COG6: variants seen among roughly 807,000 people sequenced by gnomAD.
COG6 encodes the protein conserved oligomeric Golgi complex subunit 6.
Under a neutral mutation model 88.8 loss-of-function variants are expected in COG6, and 74 were observed. That is an observed-to-expected ratio of 0.83 (90% confidence interval 0.69 to 1.01). The LOEUF is 1.01. Among genes scored for constraint, COG6 ranks in the 50% least tolerant of loss-of-function variants. The pLI is 0.00. For missense variants in COG6, 800 were observed against 797.9 expected (o/e 1.00, Z -0.03); for synonymous variants, 286 against 278.7 (o/e 1.03, Z -0.26).
chr13:39,781,310 C>T (rs1449028593), intron 18 of COG6, among the ~76,000 whole-genome samples: 3 of 152,106 alleles, frequency 2.0e-5, no homozygotes, highest in African/African-American at 7.2e-5. Context: ...GCATTCATCC[C>T]AATTCACTGG....
chr13:39,663,598 C>G (rs548195724), intron 3 of COG6, among the ~76,000 whole-genome samples: 1 of 152,226 alleles, frequency 6.6e-6, no homozygotes, highest in East Asian at 1.9e-4. Flanking sequence ...GAGCTCCATT[C>G]CTTAAAAGTC....
Position 39,701,475 on chromosome 13 carries a change from C to G in COG6, c.1284+1857C>G, listed in dbSNP as rs536419796. Among the ~76,000 whole-genome samples, 65 of 151,854 alleles carry G rather than the reference C, an allele frequency of 4.3e-4. 1 individual carries two copies. Among genetic ancestry groups the G allele is most frequent in the Non-Finnish European group, 8.0e-4 (54 of 67,862 alleles). ...TTTTATGAGTAGAGCTACCAGGACA[C>G]AGTCTTGGGAAACACTGACGTTTAA... On this transcript the variant is annotated intron_variant, in intron 13 of 18. Transcript: ENST00000455146.
At chr13:39,703,710 A>C (rs1476851814) in intron 13 of COG6, among the ~76,000 whole-genome samples, 1 of 152,030 alleles carries the variant, frequency 6.6e-6, no homozygotes, top group African/African-American at 2.4e-5. Flanking sequence ...TGTTTAATAC[A>C]TTTATTTAGA....
At chr13:39,738,083 T>C (rs1328817813) in intron 18 of COG6, among the ~76,000 whole-genome samples, 1 of 152,210 alleles carries the variant, frequency 6.6e-6, no homozygotes, top group African/African-American at 2.4e-5. Flanking sequence ...TTATCCTCTT[T>C]AGTGCCTCTT....
At chr13:39,679,856 A>G in intron 6 of COG6, 119 bp from the exon 7 acceptor site, 1 of 689,762 alleles carries the variant, frequency 1.4e-6, no homozygotes. Context: ...TTGAAAAATC[A>G]TCCCATAAAA....
At chr13:39,725,864 C>T (rs1879108135) in intron 17 of COG6, among the ~76,000 whole-genome samples, 1 of 151,726 alleles carries the variant, frequency 6.6e-6, no homozygotes, top group East Asian at 1.9e-4. Context: ...AGATATTTAC[C>T]CCCCAAAAAT....
intron 18 of COG6, among the ~76,000 whole-genome samples, chr13:39,766,573 C>T (rs1029197894): frequency 6.6e-6 from 1 of 152,142 alleles, no homozygotes; most frequent in Non-Finnish European, 1.5e-5. Flanking sequence ...CCCTCCTAAC[C>T]CCATCCCAAA....
chr13:39,751,204 T>G lies in COG6; in HGVS notation c.*111T>G. The G allele has an allele frequency of 6.5e-7, 1 of 1,532,858 alleles. No individual in the cohort carries two copies. Among genetic ancestry groups the G allele is most frequent in the South Asian group, 1.2e-5 (1 of 80,886 alleles). 95.0% of individuals were successfully genotyped at this position (1,532,858 alleles called of 1,614,324 possible). A position where few individuals can be genotyped will look rare whatever the true frequency, so the allele number is the denominator to read the frequency against. On this transcript the variant is annotated 3_prime_UTR_variant, in exon 19 of 19. Coordinates refer to ENST00000455146, the MANE Select transcript of COG6 (RefSeq NM_020751.3). The stretch of plus-strand genomic sequence containing the variant: ...TTTGATAGTTACAGTTTTCTTTGTA[T>G]CATAAGATTGTAAGTCCCGATAATT...
At chr13:39,736,907 C>T (rs1027431630) in intron 18 of COG6, among the ~76,000 whole-genome samples, 7 of 152,096 alleles carry the variant, frequency 4.6e-5, no homozygotes, top group Admixed American at 4.6e-4. Flanking sequence ...GTCTGGGCAT[C>T]GAAGAGGTGG....
rs200202920 is a variant in COG6 at position 39,782,497 on chromosome 13, GAC to G, written c.1827-5836_1827-5835del. On this transcript the variant is annotated intron_variant, in intron 18 of 18. Transcript: ENST00000416691. ...GGAGGCCCCCCTCTTGTCCAGGTCA[GAC>G]AGGAGTCCTCCCTAAATACTGTGTG... Among the ~76,000 whole-genome samples, 388 of 152,306 alleles carry G rather than the reference GAC, an allele frequency of 2.5e-3. 1 individual carries two copies. Among genetic ancestry groups the G allele is most frequent in the East Asian group, 0.019 (99 of 5,172 alleles).
At chr13:39,696,673 T>A (rs1313115934) in intron 12 of COG6, among the ~76,000 whole-genome samples, 1 of 151,438 alleles carries the variant, frequency 6.6e-6, no homozygotes, top group East Asian at 2.0e-4. Flanking sequence ...CACACAGGAT[T>A]TTGAAGGCGA....
chr13:39,719,713 C>T lies in COG6; in HGVS notation c.1470C>T (p.Ser490=), dbSNP rs781313687. The T allele has an allele frequency of 6.2e-6, 10 of 1,612,650 alleles. No individual in the cohort carries two copies. The highest frequency in any genetic ancestry group is 8.5e-6 in the Non-Finnish European group (10 of 1,178,940). ...PLLQMCTVSA[S]NLGTADMATF... Reference sequence around the variant, plus strand: ...TACAGATGTGTACTGTATCAGCCAGCAATTTAGGCACAGCTGACATGGCCA... The same window carrying T: ...TACAGATGTGTACTGTATCAGCCAGTAATTTAGGCACAGCTGACATGGCCA... Residue 490 remains serine (S), a synonymous_variant, in exon 15 of 19, where the codon AGC becomes AGT. Transcript: ENST00000455146.
chr13:39,751,981 A>C lies in COG6; in HGVS notation c.*888A>C. The C allele has an allele frequency of 8.1e-7, 1 of 1,232,222 alleles. No individual in the cohort carries two copies. Among genetic ancestry groups the C allele is most frequent in the Non-Finnish European group, 1.1e-6 (1 of 938,682 alleles). 76.3% of individuals were successfully genotyped at this position (1,232,222 alleles called of 1,614,324 possible). A position where few individuals can be genotyped will look rare whatever the true frequency, so the allele number is the denominator to read the frequency against. On this transcript the variant is annotated 3_prime_UTR_variant, in exon 19 of 19. Transcript: ENST00000455146. ...CAAAGAAACAATGATCTACTCAAAC[A>C]TTGGAGAAAAAAACTGCCAGAGGAG... is the stretch of plus-strand genomic sequence containing the variant.
At chr13:39,736,304 C>T (rs1350249533) in intron 18 of COG6, among the ~76,000 whole-genome samples, 1 of 152,094 alleles carries the variant, frequency 6.6e-6, no homozygotes, top group Non-Finnish European at 1.5e-5. Context: ...GACTCTGATG[C>T]ATTCTTTAGC....
intron 18 of COG6, among the ~76,000 whole-genome samples, chr13:39,778,650 ATAT>A (rs1279986113): frequency 1.3e-5 from 2 of 152,248 alleles, no homozygotes; most frequent in Non-Finnish European, 2.9e-5. Context: ...ATTTAAAACA[ATAT>A]TATTTCACAG....
chr13:39,751,547 C>T lies in COG6; in HGVS notation c.*454C>T. The T allele has an allele frequency of 1.6e-6, 2 of 1,287,114 alleles. No homozygotes were observed. Among genetic ancestry groups the T allele is most frequent in the Non-Finnish European group, 2.0e-6 (2 of 988,672 alleles). The allele number at this position is 1,287,114 out of a possible 1,614,324, so 79.7% of individuals were successfully genotyped here. ...TAATATGAGTAGGCATACTTAGTAG[C>T]TTTTCTGAACCTAGCCTATGTCTCT... On this transcript the variant is annotated 3_prime_UTR_variant, in exon 19 of 19. Transcript: ENST00000455146.
At chr13:39,738,549 C>T (rs757343845) in intron 18 of COG6, among the ~76,000 whole-genome samples, 3 of 151,956 alleles carry the variant, frequency 2.0e-5, no homozygotes, top group Non-Finnish European at 4.4e-5. Flanking sequence ...TTAATTGCAG[C>T]CTAATAAGTA....
exon 19 of COG6, chr13:39,791,584 A>C (rs1436888005): frequency 6.6e-6 from 1 of 152,042 alleles, no homozygotes; most frequent in Non-Finnish European, 1.5e-5. Flanking sequence ...TGAAAAAAAA[A>C]CCTTCTCATT....
intron 13 of COG6, among the ~76,000 whole-genome samples, chr13:39,717,080 A>G (rs1445416451): frequency 6.6e-6 from 1 of 152,120 alleles, no homozygotes; most frequent in Non-Finnish European, 1.5e-5. Context: ...ACTCTTGAAG[A>G]ATAGTTTTGC....
Sources: allele counts gnomAD v4.1 joint callset (sites outside exome capture counted in the v4.1 genomes callset), GRCh38; gene constraint gnomAD v4.1.1; transcripts MANE v1.5; gene names NCBI Gene and HGNC (gene_info 2026-07-23, HGNC 2026-07-21).